Variants in PTPRT observed in about 807,000 individuals in gnomAD.
PTPRT encodes the protein protein tyrosine phosphatase receptor type T.
A neutral mutation model predicts 176.8 loss-of-function variants in PTPRT; 56 were observed. That is an observed-to-expected ratio of 0.32 (90% CI 0.26 to 0.40). The LOEUF is 0.40. Ranked by LOEUF, PTPRT falls within the 10% of genes least tolerant of loss-of-function variation. PTPRT has a pLI of 1.00. For missense variants in PTPRT, 1,540 were observed against 1,908.2 expected, an observed-to-expected ratio of 0.81 and a Z score of 3.60; for synonymous variants, 783 against 739.0, an observed-to-expected ratio of 1.06 and a Z score of -0.96.
chr20:42,879,624 G>A (rs2078984092), intron 2 of PTPRT, among the ~76,000 whole-genome samples: 1 of 152,160 alleles, frequency 6.6e-6, no homozygotes, highest in South Asian at 2.1e-4. Flanking sequence ...AGACACATGA[G>A]CAGTTAGAGC....
intron 11 of PTPRT, among the ~76,000 whole-genome samples, chr20:42,347,004 C>T (rs2145498038): frequency 6.6e-6 from 1 of 152,242 alleles, no homozygotes; most frequent in Middle Eastern, 3.4e-3. Flanking sequence ...ACGTGACATA[C>T]CAGGCAGAGG....
chr20:43,107,019 A>G (rs1269987194), intron 1 of PTPRT, among the ~76,000 whole-genome samples: 2 of 152,176 alleles, frequency 1.3e-5, no homozygotes, highest in African/African-American at 4.8e-5. Context: ...AGAACTCCCA[A>G]TCTCAGGTGA....
intron 7 of PTPRT, among the ~76,000 whole-genome samples, chr20:42,489,008 T>TTGTGTGTGTGTGTGTG (rs56267962): frequency 7.6e-6 from 1 of 131,208 alleles, no homozygotes; most frequent in Non-Finnish European, 1.6e-5. Flanking sequence ...TCAACCAAGT[T>TTGTGTGTGTGTGTGTG]TGTGTGTGTG....
intron 2 of PTPRT, among the ~76,000 whole-genome samples, chr20:42,829,341 A>C (rs1160691607): frequency 6.6e-6 from 1 of 152,176 alleles, no homozygotes; most frequent in Non-Finnish European, 1.5e-5. Flanking sequence ...ACAGGCTCAT[A>C]GGTGGAAGGG....
intron 1 of PTPRT, among the ~76,000 whole-genome samples, chr20:43,115,127 C>T (rs954128732): frequency 1.9e-4 from 29 of 152,146 alleles, no homozygotes; most frequent in Non-Finnish European, 4.0e-4. Flanking sequence ...ATACTTCTTT[C>T]CCCCCAATTA....
chr20:42,815,823 C>A (rs1354070033), intron 2 of PTPRT, among the ~76,000 whole-genome samples: 1 of 152,122 alleles, frequency 6.6e-6, no homozygotes, highest in Non-Finnish European at 1.5e-5. Flanking sequence ...TAAGAGTGAT[C>A]TTTAGTCAAA....
chr20:42,199,505 T>G lies in PTPRT; in HGVS notation c.2343-117A>C. On this transcript the variant is annotated intron_variant, in intron 15 of 30. Coordinates refer to ENST00000373187, the MANE Select transcript of PTPRT (RefSeq NM_007050.6). Reference sequence around the variant, plus strand: ...CTCAACCCCCAAATCTGGTTCATTCTCCAGAAAAAGAATCAAGGCAGAACA... The same window carrying G: ...CTCAACCCCCAAATCTGGTTCATTCGCCAGAAAAAGAATCAAGGCAGAACA... 7 of 1,204,762 alleles carry G rather than the reference T, an allele frequency of 5.8e-6. No homozygotes were observed. In the South Asian group the frequency reaches 1.1e-4, roughly 19 times the overall value. 74.6% of individuals were successfully genotyped at this position (1,204,762 alleles called of 1,614,324 possible).
At chr20:42,789,394 T>C (rs1407123732) in intron 3 of PTPRT, among the ~76,000 whole-genome samples, 1 of 152,182 alleles carries the variant, frequency 6.6e-6, no homozygotes, top group African/African-American at 2.4e-5. Context: ...TATACTAGCT[T>C]AGACAGTGAA....
chr20:42,844,971 A>T (rs2078343566), intron 2 of PTPRT, among the ~76,000 whole-genome samples: 1 of 152,106 alleles, frequency 6.6e-6, no homozygotes, highest in Non-Finnish European at 1.5e-5. Context: ...GTCTCCAAGA[A>T]CCAGCCCTCT....
At position 42,401,352 on chromosome 20, in the gene PTPRT, C is replaced by G. The variant is rs537043161; in HGVS notation, c.1560+46868G>C. On this transcript the variant is annotated intron_variant, in intron 9 of 30. Coordinates refer to ENST00000373187, the MANE Select transcript of PTPRT (RefSeq NM_007050.6). ...ACTCAAGACAATGTTTAACGTAAACCTTGGCAGGGGTTACGGAGTTAGGTA... is the reference window on the plus strand; with the variant it reads ...ACTCAAGACAATGTTTAACGTAAACGTTGGCAGGGGTTACGGAGTTAGGTA... Among the ~76,000 whole-genome samples the G allele has an allele frequency of 6.4e-3, 969 of 151,960 alleles. 12 individuals are homozygous for G. The highest frequency in any genetic ancestry group is 0.022 in the African/African-American group (925 of 41,444).
intron 27 of PTPRT, among the ~76,000 whole-genome samples, chr20:42,095,867 T>A (rs926446546): frequency 6.6e-6 from 1 of 152,154 alleles, no homozygotes; most frequent in Non-Finnish European, 1.5e-5. Flanking sequence ...CAATAGACTC[T>A]CTCCGGAACG....
At chr20:42,118,636 G>T (rs1568947816) in intron 20 of PTPRT, 136 bp from the exon 21 acceptor site, 1 of 594,738 alleles carries the variant, frequency 1.7e-6, no homozygotes, top group South Asian at 2.2e-5. Context: ...AAGACACCAA[G>T]TATCTGAGAC....
At chr20:42,768,212 C>T (rs543707831) in intron 5 of PTPRT, among the ~76,000 whole-genome samples, 53 of 152,252 alleles carry the variant, frequency 3.5e-4, no homozygotes, top group African/African-American at 1.3e-3. Flanking sequence ...AAAATAGTTA[C>T]TGAATCTATT....
intron 8 of PTPRT, among the ~76,000 whole-genome samples, chr20:42,453,653 CCTT>C (rs918674143): frequency 1.7e-4 from 25 of 146,536 alleles, no homozygotes; most frequent in African/African-American, 5.1e-4. Flanking sequence ...TCCTGATTTT[CCTT>C]TTTTTTCTTT....
At chr20:43,082,605 T>C (rs1437885919) in intron 1 of PTPRT, among the ~76,000 whole-genome samples, 1 of 152,136 alleles carries the variant, frequency 6.6e-6, no homozygotes, top group African/African-American at 2.4e-5. Flanking sequence ...CCCCCTGTTT[T>C]TTCAGACATC....
chr20:42,657,557 G>T (rs1202206267), intron 7 of PTPRT, among the ~76,000 whole-genome samples: 1 of 151,040 alleles, frequency 6.6e-6, no homozygotes, highest in African/African-American at 2.4e-5. Flanking sequence ...GCATTTATTA[G>T]TATGGCTTTG....
chr20:43,176,739 T>C (rs2015131766), intron 1 of PTPRT, among the ~76,000 whole-genome samples: 1 of 152,252 alleles, frequency 6.6e-6, no homozygotes, highest in Non-Finnish European at 1.5e-5. Flanking sequence ...GATTTGCAGA[T>C]GCTGACTTTG....
At chr20:42,366,135 C>T (rs1042186481) in intron 9 of PTPRT, among the ~76,000 whole-genome samples, 5 of 152,182 alleles carry the variant, frequency 3.3e-5, no homozygotes, top group African/African-American at 1.2e-4. Context: ...GCCTTGTGGA[C>T]CACCTTCTTC....
intron 11 of PTPRT, among the ~76,000 whole-genome samples, chr20:42,350,231 T>G (rs1240671762): frequency 1.2e-4 from 16 of 134,680 alleles, no homozygotes; most frequent in East Asian, 2.2e-4. Flanking sequence ...TTTTTTTTTT[T>G]TTTTTTTTTT....
Sources: allele counts gnomAD v4.1 joint callset (sites outside exome capture counted in the v4.1 genomes callset), GRCh38; gene constraint gnomAD v4.1.1; transcripts MANE v1.5; gene names NCBI Gene and HGNC (gene_info 2026-07-23, HGNC 2026-07-21).